CFAP221: variants seen among roughly 807,000 people sequenced by gnomAD.
CFAP221 encodes cilia- and flagella-associated protein 221.
CFAP221 carries 97 observed loss-of-function variants against 113.1 expected under a neutral mutation model. That is an observed-to-expected ratio of 0.86 (90% CI 0.73 to 1.02). CFAP221 has a LOEUF of 1.02. Ranked by LOEUF, CFAP221 falls within the 50% of genes least tolerant of loss-of-function variation. The probability of loss-of-function intolerance (pLI) is 0.00; values close to 1 mark genes in which losing one functional copy is unlikely to be tolerated. For synonymous variants in CFAP221, 331 were observed against 354.4 expected (o/e 0.93, Z 0.74); for missense variants, 1,025 against 1,013.4 (o/e 1.01, Z -0.16).
rs912372022 is a variant in CFAP221 at position 119,617,389 on chromosome 2, G to A, written c.1410+1680G>A. On this transcript the variant is annotated intron_variant, in intron 14 of 23. Coordinates refer to ENST00000413369, the MANE Select transcript of CFAP221 (RefSeq NM_001271049.2). ...TGACATGCTCAGGGCAGGGAGCACA[G>A]TGGTAAGAAGAGGCAGCACAAAGCT... Among the ~76,000 whole-genome samples, 10 of 152,364 alleles carry A rather than the reference G, an allele frequency of 6.6e-5. No homozygotes were observed. The South Asian group carries it at 8.3e-4, about 13-fold the overall frequency.
rs981546726 is a variant in CFAP221 at position 119,608,691 on chromosome 2, G to T, written c.1221+102G>T. On this transcript the variant is annotated intron_variant, in intron 12 of 23. Coordinates refer to ENST00000413369, the MANE Select transcript of CFAP221 (RefSeq NM_001271049.2). Reference sequence around the variant, plus strand: ...TGGAGGAAAACCCACAGTTAAGTTGGGAGTGGGAAAGGCTGACGACAAGTA... The same window carrying T: ...TGGAGGAAAACCCACAGTTAAGTTGTGAGTGGGAAAGGCTGACGACAAGTA... The T allele has an allele frequency of 2.1e-5, 21 of 979,828 alleles. No homozygotes were observed. The Admixed American group carries it at 4.3e-4, about 20-fold the overall frequency. The allele number at this position is 979,828 out of a possible 1,614,324, so 60.7% of individuals were successfully genotyped here.
chr2:119,564,722 A>G lies in CFAP221; in HGVS notation c.527+2608A>G, dbSNP rs891486076. 3.3e-5 allele frequency among the ~76,000 whole-genome samples: 5 copies of G among 152,336 alleles called. No individual in the cohort carries two copies. In the East Asian group the frequency reaches 7.7e-4, roughly 23 times the overall value. ...ATACACAGTTGTAGCTCACTGCTAT[A>G]TACTGTCCACTGTATGAATTCACCA... On this transcript the variant is annotated intron_variant, in intron 6 of 23. Transcript: ENST00000413369.
chr2:119,616,887 A>C (rs1685567524), intron 14 of CFAP221, among the ~76,000 whole-genome samples: 1 of 152,116 alleles, frequency 6.6e-6, no homozygotes, highest in South Asian at 2.1e-4. Flanking sequence ...TAAATCTCTC[A>C]TCTCTGTCAC....
intron 23 of CFAP221, among the ~76,000 whole-genome samples, chr2:119,655,340 A>G (rs1002789301): frequency 3.3e-5 from 5 of 152,214 alleles, no homozygotes; most frequent in African/African-American, 1.2e-4. Context: ...GTATTACTCA[A>G]TCATTAGTAT....
intron 7 of CFAP221, among the ~76,000 whole-genome samples, chr2:119,600,204 T>C (rs756566209): frequency 2.8e-4 from 42 of 152,158 alleles, no homozygotes; most frequent in Non-Finnish European, 4.3e-4. Context: ...TCGCTTTTTC[T>C]CTCCACATTT....
intron 19 of CFAP221, among the ~76,000 whole-genome samples, chr2:119,637,641 C>T (rs1284331818): frequency 1.3e-5 from 2 of 152,094 alleles, no homozygotes; most frequent in Non-Finnish European, 2.9e-5. Context: ...CAGTAAAAGG[C>T]TCTATATTTT....
At chr2:119,651,026 C>G (rs1688099084) in intron 22 of CFAP221, among the ~76,000 whole-genome samples, 1 of 152,214 alleles carries the variant, frequency 6.6e-6, no homozygotes, top group South Asian at 2.1e-4. Context: ...CTGAGAATCA[C>G]TGAAACTAGA....
downstream of CFAP221, among the ~76,000 whole-genome samples, chr2:119,658,705 G>T (rs1688529052): frequency 6.6e-6 from 1 of 152,038 alleles, no homozygotes; most frequent in African/African-American, 2.4e-5. Context: ...TTATGGCCAG[G>T]CGTGGTGGCT....
intron 14 of CFAP221, among the ~76,000 whole-genome samples, chr2:119,621,223 CAA>C (rs77833812): frequency 4.7e-4 from 45 of 96,352 alleles, no homozygotes; most frequent in Non-Finnish European, 6.3e-4. Context: ...GAAACTGTGT[CAA>C]AAAAAAAAAA....
chr2:119,612,158 C>T (rs945768288), intron 13 of CFAP221, among the ~76,000 whole-genome samples: 2 of 152,316 alleles, frequency 1.3e-5, no homozygotes, highest in South Asian at 4.1e-4. Context: ...GATTTGGGAC[C>T]TTGGCAAGCC....
At chr2:119,610,983 C>G (rs974180684) in intron 12 of CFAP221, among the ~76,000 whole-genome samples, 3 of 152,034 alleles carry the variant, frequency 2.0e-5, no homozygotes, top group African/African-American at 7.2e-5. Context: ...AGGGCCCAGG[C>G]GTCATCAGGG....
intron 6 of CFAP221, chr2:119,580,585 G>T (rs1682782365): frequency 6.6e-6 from 1 of 152,090 alleles, no homozygotes; most frequent in African/African-American, 2.4e-5. Flanking sequence ...TGGTCAGGAT[G>T]AAGCAGTGTG....
chr2:119,586,786 C>T (rs1242802346), intron 6 of CFAP221: 1 of 186,264 alleles, frequency 5.4e-6, no homozygotes, highest in Non-Finnish European at 1.1e-5. Flanking sequence ...GTAGCAAGGA[C>T]AGTGGGGTGA....
chr2:119,614,661 T>A (rs1261231205), intron 13 of CFAP221, among the ~76,000 whole-genome samples: 2 of 152,306 alleles, frequency 1.3e-5, no homozygotes, highest in East Asian at 3.9e-4. Context: ...ATTATCTCTA[T>A]CTGGTCCCTC....
At chr2:119,551,514 A>G (rs759916946) in intron 3 of CFAP221, among the ~76,000 whole-genome samples, 9 of 152,118 alleles carry the variant, frequency 5.9e-5, no homozygotes, top group African/African-American at 2.2e-4. Context: ...TGAAAGGACT[A>G]TTTTTTCCCC....
intron 1 of CFAP221, among the ~76,000 whole-genome samples, chr2:119,545,442 G>A (rs961423236): frequency 6.6e-6 from 1 of 152,226 alleles, no homozygotes; most frequent in Non-Finnish European, 1.5e-5. Context: ...AACTTAAAAT[G>A]AGTGTGTTAA....
At chr2:119,650,573 A>C (rs1263658612) in intron 22 of CFAP221, among the ~76,000 whole-genome samples, 2 of 152,242 alleles carry the variant, frequency 1.3e-5, no homozygotes, top group Admixed American at 6.5e-5. Flanking sequence ...TCAGAATTAA[A>C]GGAGATGCTG....
intron 21 of CFAP221, among the ~76,000 whole-genome samples, chr2:119,641,183 C>T (rs948552717): frequency 6.6e-6 from 1 of 152,136 alleles, no homozygotes; most frequent in African/African-American, 2.4e-5. Context: ...ACGTCATCTA[C>T]GTCAAGGCTT....
At chr2:119,546,716 C>T (rs1461102887) in intron 2 of CFAP221, among the ~76,000 whole-genome samples, 1 of 152,206 alleles carries the variant, frequency 6.6e-6, no homozygotes, top group Admixed American at 6.5e-5. Context: ...AACCTGTCCA[C>T]CCAGCACCAT....
Sources: gnomAD v4.1 joint callset for allele counts (sites outside exome capture counted in the v4.1 genomes callset) on GRCh38, gnomAD v4.1.1 for gene constraint, MANE v1.5 for transcripts, NCBI Gene and HGNC (gene_info 2026-07-23, HGNC 2026-07-21) for gene names.